The following MYO5B variants were observed in gnomAD, a reference collection of about 807,000 sequenced individuals.
The protein encoded by MYO5B is myosin VB, also known as unconventional myosin-Vb.
A neutral mutation model predicts 229.3 loss-of-function variants in MYO5B; 143 were observed. The observed-to-expected ratio is 0.62, with a 90% CI of 0.54 to 0.72. MYO5B has a LOEUF of 0.72. Among genes scored for constraint, MYO5B ranks in the 30% least tolerant of loss-of-function variants. The probability of loss-of-function intolerance (pLI) is 0.00; values close to 1 mark genes in which losing one functional copy is unlikely to be tolerated. For synonymous variants in MYO5B, 918 were observed against 885.2 expected (o/e 1.04, Z -0.66); for missense variants, 2,321 against 2,331.0 (o/e 1.00, Z 0.09).
chr18:50,001,489 G>T, intron 4 of MYO5B, 78 bp from the exon 5 acceptor site: 2 of 1,536,298 alleles, frequency 1.3e-6, no homozygotes, highest in Non-Finnish European at 1.8e-6. Context: ...TCTGACAAGG[G>T]CCTGAGCCTC....
chr18:50,004,017 G>A (rs1223876834), intron 4 of MYO5B, among the ~76,000 whole-genome samples: 2 of 152,194 alleles, frequency 1.3e-5, no homozygotes, highest in Non-Finnish European at 2.9e-5. Flanking sequence ...GGCAAAGACA[G>A]ATGAGGCACA....
Position 49,963,164 on chromosome 18 carries a change from A to G in MYO5B, c.1323-134T>C, listed in dbSNP as rs1252497879. The G allele has an allele frequency of 5.3e-6, 4 of 755,434 alleles. No homozygotes were observed. In the Admixed American group the frequency reaches 7.5e-5, roughly 14 times the overall value. The allele number at this position is 755,434 out of a possible 1,614,324, so 46.8% of individuals were successfully genotyped here. A position where few individuals can be genotyped will look rare whatever the true frequency, so the allele number is the denominator to read the frequency against. ...CCCCATTGTCTCATCTTGTGTTCAG[A>G]GAGACCACTGTTGCAGAAGTTAGCA... On this transcript the variant is annotated intron_variant, in intron 10 of 39. Transcript: ENST00000285039.
At chr18:49,889,730 C>T (rs1397570288) in intron 22 of MYO5B, among the ~76,000 whole-genome samples, 4 of 152,192 alleles carry the variant, frequency 2.6e-5, no homozygotes, top group Admixed American at 2.0e-4. Flanking sequence ...CTGACCAGCA[C>T]AGAGCGCATG....
At position 50,195,091 on chromosome 18, in the gene MYO5B, C is replaced by G. The variant is rs758598690; in HGVS notation, c.-298G>C. 2.7e-4 allele frequency: 75 copies of G among 277,024 alleles called. No individual in the cohort carries two copies. The highest frequency in any genetic ancestry group is 4.9e-4 in the Admixed American group (9 of 18,440). The allele number at this position is 277,024 out of a possible 1,614,324, so 17.2% of individuals were successfully genotyped here. A position where few individuals can be genotyped will look rare whatever the true frequency, so the allele number is the denominator to read the frequency against. On this transcript the variant is annotated 5_prime_UTR_variant, in exon 1 of 40. Transcript: ENST00000285039. ...GGTGTGGGGAGGAGGCGAGGGCCGG[C>G]GAGGAGGGAGGACCCGCTCGCGTCA...
At chr18:49,925,436 G>A (rs572544110) in intron 17 of MYO5B, among the ~76,000 whole-genome samples, 2 of 152,330 alleles carry the variant, frequency 1.3e-5, no homozygotes, top group Admixed American at 6.5e-5. Context: ...GACCACCTTG[G>A]ACACATGTTC....
chr18:50,083,585 G>A (rs1335520568), intron 1 of MYO5B, among the ~76,000 whole-genome samples: 1 of 152,204 alleles, frequency 6.6e-6, no homozygotes, highest in East Asian at 1.9e-4. Flanking sequence ...CATGCATGCT[G>A]CATGTGACAC....
chr18:49,946,069 T>C (rs1474678759), intron 14 of MYO5B, among the ~76,000 whole-genome samples: 1 of 151,900 alleles, frequency 6.6e-6, no homozygotes, highest in Non-Finnish European at 1.5e-5. Flanking sequence ...TATTGGGTAG[T>C]GGGGAGGGGG....
intron 38 of MYO5B, 134 bp from the exon 39 acceptor site, chr18:49,835,558 G>C: frequency 1.5e-6 from 1 of 680,944 alleles, no homozygotes; most frequent in Non-Finnish European, 2.7e-6. Context: ...GATGGAGCTG[G>C]ACTGACATTT....
intron 4 of MYO5B, among the ~76,000 whole-genome samples, chr18:50,006,561 C>T (rs2026103299): frequency 1.3e-5 from 2 of 152,062 alleles, no homozygotes; most frequent in Non-Finnish European, 1.5e-5. Flanking sequence ...CCAACACATC[C>T]ACACACACAC....
At position 50,169,392 on chromosome 18, in the gene MYO5B, A is replaced by G. The variant is rs563530673; in HGVS notation, c.27+25375T>C. 3.8e-4 allele frequency among the ~76,000 whole-genome samples: 49 copies of G among 128,102 alleles called. 17 individuals carry two copies. The South Asian group carries it at 0.013, about 35-fold the overall frequency. The allele number at this position is 128,102 out of a possible 152,430, so 84.0% of individuals were successfully genotyped here. ...CTGAGGACCAGGTAACATGACAGGT[A>G]GAGAAACCTGGCATACACCATCTTA... On this transcript the variant is annotated intron_variant, in intron 1 of 39. Transcript: ENST00000285039.
intron 23 of MYO5B, chr18:49,879,459 A>G (rs558120880): frequency 2.7e-5 from 9 of 335,338 alleles, no homozygotes; most frequent in South Asian, 2.5e-4. Context: ...CTGATCTTTC[A>G]GTTCTTAGGA....
chr18:49,892,613 C>T (rs975036059), intron 22 of MYO5B, among the ~76,000 whole-genome samples: 3 of 152,194 alleles, frequency 2.0e-5, no homozygotes, highest in African/African-American at 7.2e-5. Context: ...TGTCTGATTA[C>T]TCAGCATTTA....
chr18:50,054,498 C>T (rs907322444), intron 2 of MYO5B, among the ~76,000 whole-genome samples: 1 of 152,288 alleles, frequency 6.6e-6, no homozygotes, highest in Middle Eastern at 3.4e-3. Flanking sequence ...CAACCGTTTA[C>T]CCATCTGCCC....
Position 49,856,041 on chromosome 18 carries a change from A to G in MYO5B, c.4022+772T>C, listed in dbSNP as rs672371. Among the ~76,000 whole-genome samples the G allele has an allele frequency of 3.4e-3, 519 of 152,348 alleles. 3 individuals are homozygous for G. Among genetic ancestry groups the G allele is most frequent in the African/African-American group, 0.012 (507 of 41,574 alleles). On this transcript the variant is annotated intron_variant, in intron 30 of 39. Coordinates refer to ENST00000285039, the MANE Select transcript of MYO5B (RefSeq NM_001080467.3). ...GCCACAGCTCTTAAAAGCCACCTGCAGTCAACTGGCCTATGGTGTGACCAT... is the reference window on the plus strand; with the variant it reads ...GCCACAGCTCTTAAAAGCCACCTGCGGTCAACTGGCCTATGGTGTGACCAT...
intron 1 of MYO5B, among the ~76,000 whole-genome samples, chr18:50,158,567 A>G (rs995036942): frequency 1.3e-5 from 2 of 152,224 alleles, no homozygotes; most frequent in Admixed American, 6.5e-5. Flanking sequence ...GCATTTGTAC[A>G]TGGACAATCA....
Position 49,906,585 on chromosome 18 carries a change from C to G in MYO5B, c.2248G>C (p.Ala750Pro), listed in dbSNP as rs759393452. 5.6e-6 allele frequency: 9 copies of G among 1,614,018 alleles called. No individual in the cohort carries two copies. In the African/African-American group the frequency reaches 1.1e-4, roughly 19 times the overall value. The part of the protein sequence containing the change: ...QFGRTKIFFR[A>P]GQVAYLEKLR... Reference sequence around the variant, plus strand: ...TTCTCCAGGTAGGCCACCTGGCCTGCTCGAAAGAAGATCTTGGTGCGGCCA... The same window carrying G: ...TTCTCCAGGTAGGCCACCTGGCCTGGTCGAAAGAAGATCTTGGTGCGGCCA... The change falls in exon 19 of 40, where the codon GCA (alanine) becomes CCA (proline). Residue 750 changes from alanine to proline, a missense_variant. Transcript: ENST00000285039.
intron 1 of MYO5B, among the ~76,000 whole-genome samples, chr18:50,121,580 A>C (rs2144531625): frequency 6.6e-6 from 1 of 152,368 alleles, no homozygotes; most frequent in Middle Eastern, 3.4e-3. Context: ...CAATTTACTG[A>C]GAATTAACTA....
At chr18:50,102,046 G>A (rs1599021499) in intron 1 of MYO5B, among the ~76,000 whole-genome samples, 1 of 152,202 alleles carries the variant, frequency 6.6e-6, no homozygotes, top group African/African-American at 2.4e-5. Context: ...GGAATACTAT[G>A]CAGCCATAAA....
At chr18:50,067,869 G>A (rs554984871) in intron 1 of MYO5B, among the ~76,000 whole-genome samples, 1 of 152,058 alleles carries the variant, frequency 6.6e-6, no homozygotes, top group Non-Finnish European at 1.5e-5. Flanking sequence ...AACTAAAAAC[G>A]GACTAAGACA....
Sources: gnomAD v4.1 joint callset for allele counts (sites outside exome capture counted in the v4.1 genomes callset) on GRCh38, gnomAD v4.1.1 for gene constraint, MANE v1.5 for transcripts, NCBI Gene and HGNC (gene_info 2026-07-23, HGNC 2026-07-21) for gene names.